Variants in TGM6 observed in about 807,000 individuals in gnomAD.
TGM6 encodes the protein transglutaminase 6.
Under a neutral mutation model 77.5 loss-of-function variants are expected in TGM6, and 74 were observed. That is an observed-to-expected ratio of 0.96 (90% confidence interval 0.79 to 1.16). TGM6 has a LOEUF of 1.16. Ranked by LOEUF, TGM6 falls within the 50% of genes most tolerant of loss-of-function variation. The pLI is 0.00. For missense variants in TGM6, 968 were observed against 940.2 expected (o/e 1.03, Z -0.39); for synonymous variants, 383 against 378.9 (o/e 1.01, Z -0.12).
In TGM6 at chr20:2,430,979, C is replaced by G. The variant is rs780503855; in HGVS notation, c.1919C>G (p.Ala640Gly). The change falls in exon 12 of 13, where the codon GCG becomes GGG. Residue 640 changes from alanine (A) to glycine (G), a missense_variant. By Grantham distance (60) the Ala-to-Gly change is moderately conservative. Transcript: ENST00000202625. ...CTCATAGAGAGAGTGAAGGACTGTG[C>G]GCTGATGGTGGAGGGCAGCGGCCTT... is the stretch of plus-strand genomic sequence containing the variant. ...NPLIERVKDC[A>G]LMVEGSGLLQ... 6.2e-7 allele frequency: 1 copy of G among 1,614,072 alleles called. No individual in the cohort carries two copies. Among genetic ancestry groups the G allele is most frequent in the Non-Finnish European group, 8.5e-7 (1 of 1,180,004 alleles).
At chr20:2,387,786 G>A (rs772923931) in intron 1 of TGM6, among the ~76,000 whole-genome samples, 5 of 152,246 alleles carry the variant, frequency 3.3e-5, no homozygotes, top group Non-Finnish European at 7.3e-5. Flanking sequence ...TTTGGGCAGA[G>A]CTCGGCAGGG....
chr20:2,428,373 A>G (rs2084902887), intron 10 of TGM6, among the ~76,000 whole-genome samples: 1 of 152,172 alleles, frequency 6.6e-6, no homozygotes, highest in Non-Finnish European at 1.5e-5. Context: ...TTAAAGGGCT[A>G]CTTTTCTCCT....
chr20:2,419,439 A>G (rs946255363), intron 10 of TGM6, among the ~76,000 whole-genome samples: 5 of 152,228 alleles, frequency 3.3e-5, no homozygotes, highest in African/African-American at 7.2e-5. Flanking sequence ...TCACAAAATA[A>G]CACTTCATCA....
intron 9 of TGM6, among the ~76,000 whole-genome samples, chr20:2,413,613 G>T (rs1050621839): frequency 1.3e-5 from 2 of 152,124 alleles, no homozygotes; most frequent in Non-Finnish European, 2.9e-5. Context: ...AACAAATGGT[G>T]TTGGGACCAC....
chr20:2,402,408 C>T (rs2084717260), intron 7 of TGM6, among the ~76,000 whole-genome samples: 1 of 152,138 alleles, frequency 6.6e-6, no homozygotes, highest in Admixed American at 6.5e-5. Flanking sequence ...CTCCCCTTGG[C>T]CTCTCCTCTT....
chr20:2,424,699 A>AGGG (rs2084876777), intron 10 of TGM6, among the ~76,000 whole-genome samples: 1 of 152,136 alleles, frequency 6.6e-6, no homozygotes, highest in Non-Finnish European at 1.5e-5. Flanking sequence ...TTGCATTCAA[A>AGGG]ACCTTGCTGT....
intron 9 of TGM6, among the ~76,000 whole-genome samples, chr20:2,405,143 C>T (rs742823): frequency 0.36 from 54,032 of 151,998 alleles, 10,491 homozygotes; most frequent in African/African-American, 0.52. Flanking sequence ...TGTTCCCACT[C>T]GGCCTCTCAT....
chr20:2,409,967 C>T (rs2084775052), intron 9 of TGM6, among the ~76,000 whole-genome samples: 1 of 152,138 alleles, frequency 6.6e-6, no homozygotes, highest in Admixed American at 6.5e-5. Context: ...ATGAAAAGAA[C>T]TATAGAGTGT....
chr20:2,398,342 G>A (rs1172800311), intron 5 of TGM6, among the ~76,000 whole-genome samples: 3 of 152,108 alleles, frequency 2.0e-5, no homozygotes, highest in Non-Finnish European at 2.9e-5. Context: ...CTCTGTCTGG[G>A]GCTTTGGTTC....
chr20:2,382,266 T>TCTC (rs139211245), intron 1 of TGM6, among the ~76,000 whole-genome samples: 3,637 of 152,232 alleles, frequency 0.024, 153 homozygotes, highest in African/African-American at 0.083. Context: ...ATAGGTCTGT[T>TCTC]CTGAAGACCA....
intron 10 of TGM6, among the ~76,000 whole-genome samples, chr20:2,419,130 G>A (rs901000531): frequency 2.0e-5 from 3 of 151,902 alleles, no homozygotes; most frequent in African/African-American, 7.3e-5. Context: ...TCTTTTTGCC[G>A]GTATCTCCCT....
At chr20:2,397,308 C>G (rs2084675955) in intron 4 of TGM6, among the ~76,000 whole-genome samples, 1 of 152,152 alleles carries the variant, frequency 6.6e-6, no homozygotes, top group South Asian at 2.1e-4. Context: ...ATTCTGTCTG[C>G]CTGAGCTCCA....
At chr20:2,402,795 A>C (rs2084720379) in intron 7 of TGM6, among the ~76,000 whole-genome samples, 1 of 152,228 alleles carries the variant, frequency 6.6e-6, no homozygotes, top group African/African-American at 2.4e-5. Context: ...TGCTCTGCAT[A>C]ATCAGAACCC....
intron 7 of TGM6, 42 bp downstream of exon 7, chr20:2,400,486 C>A: frequency 2.5e-6 from 4 of 1,613,264 alleles, no homozygotes; most frequent in Non-Finnish European, 3.4e-6. Context: ...CTCTGGAAGC[C>A]CAGCAGGTGG....
At chr20:2,427,575 C>T (rs188782412) in intron 10 of TGM6, among the ~76,000 whole-genome samples, 2 of 152,204 alleles carry the variant, frequency 1.3e-5, no homozygotes, top group Admixed American at 6.5e-5. Flanking sequence ...TTCTTTTCTT[C>T]TGCTTAAGAT....
At chr20:2,411,684 T>A (rs1214315799) in intron 9 of TGM6, among the ~76,000 whole-genome samples, 6 of 152,202 alleles carry the variant, frequency 3.9e-5, no homozygotes, top group Non-Finnish European at 7.3e-5. Context: ...ATATCTTTTT[T>A]AAAATTGTAT....
At chr20:2,386,229 CCCCAGCCCCGGCTATTACA>C (rs1568651734) in intron 1 of TGM6, among the ~76,000 whole-genome samples, 1 of 152,120 alleles carries the variant, frequency 6.6e-6, no homozygotes, top group African/African-American at 2.4e-5. Context: ...GAATCCTGGA[CCCCAGCCCCGGCTATTACA>C]CCACATATGG....
chr20:2,420,781 A>G (rs2084850526), intron 10 of TGM6, among the ~76,000 whole-genome samples: 1 of 152,236 alleles, frequency 6.6e-6, no homozygotes, highest in East Asian at 1.9e-4. Context: ...TTCACTTAGC[A>G]ATATGTATTT....
intron 9 of TGM6, among the ~76,000 whole-genome samples, chr20:2,405,403 T>C (rs1955874871): frequency 6.6e-6 from 1 of 152,230 alleles, no homozygotes; most frequent in Admixed American, 6.5e-5. Flanking sequence ...TCATAGTCTC[T>C]ACGGGATGTG....
Sources: gnomAD v4.1 joint callset for allele counts (sites outside exome capture counted in the v4.1 genomes callset) on GRCh38, gnomAD v4.1.1 for gene constraint, MANE v1.5 for transcripts, NCBI Gene and HGNC (gene_info 2026-07-23, HGNC 2026-07-21) for gene names.